Variants in LRRC4C observed in about 807,000 individuals in gnomAD.
LRRC4C encodes leucine rich repeat containing 4C, also known as leucine-rich repeat-containing protein 4C.
LRRC4C carries 5 observed loss-of-function variants against 33.6 expected under a neutral mutation model. The observed-to-expected ratio is 0.15, with a 90% CI of 0.08 to 0.31. The LOEUF (loss-of-function observed/expected upper bound fraction) is 0.31, where lower values mean the gene tolerates loss of function less well. Among genes scored for constraint, LRRC4C ranks in the 10% least tolerant of loss-of-function variants. The probability of loss-of-function intolerance (pLI) is 1.00; values close to 1 mark genes in which losing one functional copy is unlikely to be tolerated. For synonymous variants in LRRC4C, 329 were observed against 302.0 expected (o/e 1.09, Z -0.93); for missense variants, 560 against 796.7 (o/e 0.70, Z 3.58).
chr11:40,641,043 TA>T (rs1199948641), intron 3 of LRRC4C, among the ~76,000 whole-genome samples: 10 of 147,908 alleles, frequency 6.8e-5, no homozygotes, highest in African/African-American at 2.5e-4. Context: ...AAAGTAAATT[TA>T]AAAAAACCTA....
chr11:40,617,932 A>G (rs966688123), intron 3 of LRRC4C, among the ~76,000 whole-genome samples: 2 of 151,620 alleles, frequency 1.3e-5, no homozygotes, highest in African/African-American at 4.8e-5. Context: ...GAGGAATCTG[A>G]CTATATATTT....
chr11:40,745,148 C>T (rs183133290), intron 2 of LRRC4C, among the ~76,000 whole-genome samples: 12 of 152,216 alleles, frequency 7.9e-5, no homozygotes, highest in South Asian at 2.1e-4. Flanking sequence ...AGTTTAATGG[C>T]GATACGCAGA....
chr11:40,558,375 T>C (rs150295904), intron 3 of LRRC4C, among the ~76,000 whole-genome samples: 1,698 of 152,326 alleles, frequency 0.011, 39 homozygotes, highest in African/African-American at 0.039. Context: ...AAGTGTGTTG[T>C]TTCATTTAGA....
intron 2 of LRRC4C, among the ~76,000 whole-genome samples, chr11:40,914,073 A>G (rs1234702891): frequency 6.6e-6 from 1 of 152,174 alleles, no homozygotes; most frequent in East Asian, 1.9e-4. Flanking sequence ...CCAACCAAAA[A>G]AAGTCCAGGA....
chr11:40,400,250 A>G (rs936376126), intron 3 of LRRC4C, among the ~76,000 whole-genome samples: 5 of 152,140 alleles, frequency 3.3e-5, no homozygotes, highest in African/African-American at 4.8e-5. Context: ...ATAGGCTGCA[A>G]AATTAGTCAG....
At chr11:40,456,777 A>C (rs1270723632) in intron 3 of LRRC4C, among the ~76,000 whole-genome samples, 2 of 151,876 alleles carry the variant, frequency 1.3e-5, no homozygotes, top group South Asian at 2.1e-4. Context: ...ATGGAAAGCT[A>C]GGAAGAGGAC....
At chr11:40,797,185 C>A (rs2135236268) in intron 2 of LRRC4C, among the ~76,000 whole-genome samples, 1 of 152,090 alleles carries the variant, frequency 6.6e-6, no homozygotes, top group Non-Finnish European at 1.5e-5. Context: ...TAGAGAAGGT[C>A]TGGTGAAAAA....
chr11:40,875,845 A>G (rs574040074), intron 2 of LRRC4C, among the ~76,000 whole-genome samples: 2 of 152,268 alleles, frequency 1.3e-5, no homozygotes, highest in Admixed American at 1.3e-4. Context: ...TGTAATATAT[A>G]TGAAATGTTA....
intron 3 of LRRC4C, among the ~76,000 whole-genome samples, chr11:40,582,675 C>G (rs1006211539): frequency 8.6e-5 from 13 of 151,984 alleles, no homozygotes; most frequent in African/African-American, 3.1e-4. Context: ...CGCCACCATG[C>G]CTGACTAATT....
At chr11:40,713,656 T>C (rs1011186664) in intron 2 of LRRC4C, among the ~76,000 whole-genome samples, 1 of 152,238 alleles carries the variant, frequency 6.6e-6, no homozygotes, top group Non-Finnish European at 1.5e-5. Context: ...TATTTTAAAA[T>C]GACAATCTGA....
At position 40,908,088 on chromosome 11, in the gene LRRC4C, C is replaced by T. The variant is rs993032501; in HGVS notation, c.-407+25547G>A. Among the ~76,000 whole-genome samples, 4 of 152,060 alleles carry T rather than the reference C, an allele frequency of 2.6e-5. No homozygotes were observed. The South Asian group carries it at 8.3e-4, about 32-fold the overall frequency. On this transcript the variant is annotated intron_variant, in intron 2 of 6. Transcript: ENST00000528697. ...AGGATTTTTTTTCACATTGAATAGT[C>T]ACTACAGTTGAATAAATACTCTGTT...
chr11:40,184,524 G>C (rs1213443941), intron 5 of LRRC4C, among the ~76,000 whole-genome samples: 1 of 152,138 alleles, frequency 6.6e-6, no homozygotes, highest in Non-Finnish European at 1.5e-5. Flanking sequence ...TAGAAATATG[G>C]AGCCAGGAGA....
At chr11:40,238,346 C>A (rs150278017) in intron 5 of LRRC4C, among the ~76,000 whole-genome samples, 4 of 152,274 alleles carry the variant, frequency 2.6e-5, no homozygotes, top group African/African-American at 9.6e-5. Flanking sequence ...TGGCCCCAAA[C>A]CTGCTTTTCA....
At chr11:40,264,991 C>T (rs530107185) in intron 4 of LRRC4C, among the ~76,000 whole-genome samples, 1 of 152,280 alleles carries the variant, frequency 6.6e-6, no homozygotes, top group South Asian at 2.1e-4. Flanking sequence ...CAAGGTCTCT[C>T]ATATTTAAAA....
intron 1 of LRRC4C, among the ~76,000 whole-genome samples, chr11:40,996,130 CA>C (rs1443169830): frequency 6.6e-6 from 1 of 152,088 alleles, no homozygotes; most frequent in African/African-American, 2.4e-5. Context: ...GTTGTTACAA[CA>C]AAATAAAATA....
chr11:40,400,974 A>G (rs1565351990), intron 3 of LRRC4C, among the ~76,000 whole-genome samples: 1 of 152,138 alleles, frequency 6.6e-6, no homozygotes, highest in Non-Finnish European at 1.5e-5. Flanking sequence ...TTAATTTTAT[A>G]TCACCATTAC....
At position 41,238,748 on chromosome 11, in the gene LRRC4C, T is replaced by C. The variant is rs572912951; in HGVS notation, c.-496+220683A>G. Reference sequence around the variant, plus strand: ...GGACCTTCCTCTCTACATGCCTCTTTACTATCATTATATAAAGATCCAGTG... The same window carrying C: ...GGACCTTCCTCTCTACATGCCTCTTCACTATCATTATATAAAGATCCAGTG... On this transcript the variant is annotated intron_variant, in intron 1 of 6. Coordinates refer to ENST00000528697, the MANE Select transcript of LRRC4C (RefSeq NM_001258419.2). Among the ~76,000 whole-genome samples, 35 of 152,302 alleles carry C rather than the reference T, an allele frequency of 2.3e-4. 1 individual carries two copies. The South Asian group carries it at 5.8e-3, about 25-fold the overall frequency.
chr11:40,224,190 A>G (rs1228320571), intron 5 of LRRC4C, among the ~76,000 whole-genome samples: 3 of 152,330 alleles, frequency 2.0e-5, no homozygotes, highest in Non-Finnish European at 2.9e-5. Context: ...TTTTTATTCT[A>G]TAGAGGCTGT....
At chr11:41,337,362 GACAA>G (rs1951490148) in intron 1 of LRRC4C, among the ~76,000 whole-genome samples, 1 of 152,194 alleles carries the variant, frequency 6.6e-6, no homozygotes, top group East Asian at 1.9e-4. Context: ...AAATCTTAAA[GACAA>G]ACAAAACTTA....
Sources: allele counts gnomAD v4.1 joint callset (sites outside exome capture counted in the v4.1 genomes callset), GRCh38; gene constraint gnomAD v4.1.1; transcripts MANE v1.5; gene names NCBI Gene and HGNC (gene_info 2026-07-23, HGNC 2026-07-21).